CDKAL1: variants seen among roughly 807,000 people sequenced by gnomAD.
The protein encoded by CDKAL1 is threonylcarbamoyladenosine tRNA methylthiotransferase.
A neutral mutation model predicts 68.2 loss-of-function variants in CDKAL1; 32 were observed. The ratio of observed to expected loss-of-function variants is 0.47; its 90% CI spans 0.35 to 0.63. The LOEUF is 0.63. Among genes scored for constraint, CDKAL1 ranks in the 30% least tolerant of loss-of-function variants. The probability of loss-of-function intolerance (pLI) is 0.00; values close to 1 mark genes in which losing one functional copy is unlikely to be tolerated. For synonymous variants in CDKAL1, 234 were observed against 244.3 expected (o/e 0.96, Z 0.39); for missense variants, 606 against 696.7 (o/e 0.87, Z 1.47).
At chr6:20,939,997 G>T (rs1281998063) in intron 9 of CDKAL1, among the ~76,000 whole-genome samples, 1 of 152,120 alleles carries the variant, frequency 6.6e-6, no homozygotes, top group Non-Finnish European at 1.5e-5. Flanking sequence ...TATTTTAATA[G>T]TGAGAATTAA....
intron 4 of CDKAL1, among the ~76,000 whole-genome samples, chr6:20,551,370 CTT>C (rs34611621): frequency 5.7e-5 from 8 of 141,426 alleles, no homozygotes; most frequent in Admixed American, 7.1e-5. Context: ...ACTAAAATAT[CTT>C]TTTTTTTTTT....
chr6:20,769,257 C>CTT (rs371966986), intron 7 of CDKAL1, among the ~76,000 whole-genome samples: 56,512 of 114,760 alleles, frequency 0.49, 15,838 homozygotes, highest in East Asian at 0.54. Context: ...TTGTGATCAT[C>CTT]TTTTTTTTTT....
intron 9 of CDKAL1, among the ~76,000 whole-genome samples, chr6:20,867,591 A>G (rs1368204842): frequency 6.6e-6 from 1 of 151,866 alleles, no homozygotes; most frequent in African/African-American, 2.4e-5. Flanking sequence ...GAGACACAGT[A>G]TGTTTTCAGG....
chr6:20,752,477 A>G (rs909895280), intron 6 of CDKAL1, among the ~76,000 whole-genome samples: 4 of 152,086 alleles, frequency 2.6e-5, no homozygotes, highest in Admixed American at 1.3e-4. Context: ...TGTTTCTTCT[A>G]TGTGCATGCA....
In CDKAL1 at chr6:20,909,469, C is replaced by T. The variant is rs115519201; in HGVS notation, c.743-45950C>T. Among the ~76,000 whole-genome samples, 696 of 152,160 alleles carry T rather than the reference C, an allele frequency of 4.6e-3. 3 individuals carry two copies. The highest frequency in any genetic ancestry group is 0.016 in the African/African-American group (662 of 41,496). ...CCAATGTTGTTTTGCTTTAAAAGGC[C>T]GCTAGTTACATCTAAGCTATTATTG... On this transcript the variant is annotated intron_variant, in intron 9 of 15. Coordinates refer to ENST00000274695, the MANE Select transcript of CDKAL1 (RefSeq NM_017774.3).
At chr6:20,761,001 A>G (rs998569561) in intron 7 of CDKAL1, among the ~76,000 whole-genome samples, 12 of 152,216 alleles carry the variant, frequency 7.9e-5, no homozygotes, top group Non-Finnish European at 1.5e-4. Flanking sequence ...TATTTGCAAA[A>G]TACACATATG....
At chr6:20,697,258 G>A (rs1369186103) in intron 5 of CDKAL1, among the ~76,000 whole-genome samples, 1 of 152,098 alleles carries the variant, frequency 6.6e-6, no homozygotes, top group Non-Finnish European at 1.5e-5. Flanking sequence ...AGGTAAAATG[G>A]TTTCAAATTA....
intron 5 of CDKAL1, among the ~76,000 whole-genome samples, chr6:20,659,681 C>A (rs1769196383): frequency 6.6e-6 from 1 of 152,158 alleles, no homozygotes; most frequent in African/African-American, 2.4e-5. Flanking sequence ...CCTTGTATAT[C>A]CCACTGCTTC....
Position 20,539,935 on chromosome 6 carries a change from T to C in CDKAL1, c.-6+4541T>C, listed in dbSNP as rs1763321977. 6.6e-6 allele frequency among the ~76,000 whole-genome samples: 1 copy of C among 152,112 alleles called. No individual in the cohort carries two copies. Among genetic ancestry groups the C allele is most frequent in the South Asian group, 2.1e-4 (1 of 4,828 alleles). ...GTGATGTTGGTTTGGACCAAGAGTG[T>C]AACAGTGGGTATGGTCACAAATAGA... On this transcript the variant is annotated intron_variant, in intron 2 of 15. Transcript: ENST00000274695. This position sits in a 1 kb window ranked among gnomAD's most constrained non-coding sequence, Gnocchi z 4.3.
intron 9 of CDKAL1, among the ~76,000 whole-genome samples, chr6:20,938,396 T>C (rs1326077193): frequency 1.3e-5 from 2 of 152,192 alleles, no homozygotes; most frequent in East Asian, 1.9e-4. Context: ...AAATAAGATA[T>C]GATCGCTAGT....
intron 10 of CDKAL1, among the ~76,000 whole-genome samples, chr6:20,976,201 A>G (rs1162133803): frequency 6.6e-6 from 1 of 152,086 alleles, no homozygotes; most frequent in East Asian, 1.9e-4. Context: ...CTCAGAACTC[A>G]TTTCTTTTAG....
chr6:21,015,198 A>G (rs201308), intron 11 of CDKAL1, among the ~76,000 whole-genome samples: 16,279 of 152,038 alleles, frequency 0.11, 977 homozygotes, highest in Middle Eastern at 0.16. Flanking sequence ...AAATTTTTCT[A>G]TTTTCTTTGT....
intron 8 of CDKAL1, among the ~76,000 whole-genome samples, chr6:20,839,657 G>A (rs571286307): frequency 6.6e-6 from 1 of 152,074 alleles, no homozygotes; most frequent in Non-Finnish European, 1.5e-5. Context: ...TCGTCTCCAA[G>A]CTTTACTTTC....
At chr6:20,618,521 A>G (rs113958227) in intron 4 of CDKAL1, among the ~76,000 whole-genome samples, 96 of 152,194 alleles carry the variant, frequency 6.3e-4, no homozygotes, top group African/African-American at 1.9e-3. Context: ...TGCCTAATCT[A>G]TTTTTGAAAG....
At chr6:20,704,988 C>G (rs1426519870) in intron 5 of CDKAL1, among the ~76,000 whole-genome samples, 7 of 152,058 alleles carry the variant, frequency 4.6e-5, no homozygotes, top group African/African-American at 1.7e-4. Flanking sequence ...ATGTGAGTAG[C>G]CTGCAATAAT....
intron 5 of CDKAL1, among the ~76,000 whole-genome samples, chr6:20,674,348 C>T (rs527694086): frequency 2.0e-4 from 30 of 152,270 alleles, no homozygotes; most frequent in African/African-American, 5.3e-4. Flanking sequence ...GACTTTAGTA[C>T]GTCCCCCATT....
At chr6:20,565,139 CTA>C (rs201868394) in intron 4 of CDKAL1, among the ~76,000 whole-genome samples, 9 of 150,528 alleles carry the variant, frequency 6.0e-5, no homozygotes, top group South Asian at 2.1e-4. Flanking sequence ...TCAAAGCTAT[CTA>C]TATATATATA....
In CDKAL1 at chr6:20,963,471, A is replaced by T. The variant is rs190942785; in HGVS notation, c.909+7886A>T. ...TCTCAACTACTCCTCAGAAAAATTT[A>T]CCGAGCTTGTTGCTTCCTACTACTG... On this transcript the variant is annotated intron_variant, in intron 10 of 15. Transcript: ENST00000274695. Among the ~76,000 whole-genome samples the T allele has an allele frequency of 4.8e-4, 73 of 152,306 alleles. No homozygotes were observed. In the East Asian group the frequency reaches 0.012, roughly 25 times the overall value.
chr6:20,725,169 A>G (rs1051759303), intron 5 of CDKAL1, among the ~76,000 whole-genome samples: 6 of 152,038 alleles, frequency 3.9e-5, no homozygotes, highest in African/African-American at 7.3e-5. Flanking sequence ...CCTTGTTGAA[A>G]GATACTAACT....
Sources: allele counts gnomAD v4.1 joint callset (sites outside exome capture counted in the v4.1 genomes callset), GRCh38; gene constraint gnomAD v4.1.1; non-coding constraint Gnocchi (gnomAD v3.1); transcripts MANE v1.5; gene names NCBI Gene and HGNC (gene_info 2026-07-23, HGNC 2026-07-21).